ZMAT4: variants seen among roughly 807,000 people sequenced by gnomAD.
The protein encoded by ZMAT4 is zinc finger matrin-type protein 4.
Under a neutral mutation model 28.7 loss-of-function variants are expected in ZMAT4, and 17 were observed. The observed-to-expected ratio is 0.59, with a 90% confidence interval of 0.41 to 0.89. The LOEUF is 0.89. ZMAT4 is among the 40% of genes least tolerant of loss of function. ZMAT4 has a pLI of 0.00. For missense variants in ZMAT4, 240 were observed against 283.8 expected (o/e 0.85, Z 1.11); for synonymous variants, 117 against 109.2 (o/e 1.07, Z -0.44).
At chr8:40,786,092 GA>G (rs1411096168) in intron 2 of ZMAT4, among the ~76,000 whole-genome samples, 1 of 152,130 alleles carries the variant, frequency 6.6e-6, no homozygotes, top group Non-Finnish European at 1.5e-5. Context: ...CTTCCTTGCT[GA>G]ATTAGGAAGC....
chr8:40,637,247 A>C (rs1406610686), intron 5 of ZMAT4, among the ~76,000 whole-genome samples: 1 of 152,236 alleles, frequency 6.6e-6, no homozygotes, highest in Non-Finnish European at 1.5e-5. Context: ...AAAATAAAAT[A>C]ACATAAAATT....
chr8:40,762,516 TATG>T (rs1278911970), intron 3 of ZMAT4, among the ~76,000 whole-genome samples: 1 of 151,818 alleles, frequency 6.6e-6, no homozygotes, highest in Admixed American at 6.6e-5. Flanking sequence ...ATTAGCCAGG[TATG>T]GTGGTGCATG....
intron 5 of ZMAT4, among the ~76,000 whole-genome samples, chr8:40,634,322 T>G (rs1806713327): frequency 6.6e-6 from 1 of 152,190 alleles, no homozygotes; most frequent in African/African-American, 2.4e-5. Flanking sequence ...AAAGACCTTG[T>G]AAGTCTAGAC....
At chr8:40,640,421 G>A (rs541149078) in intron 5 of ZMAT4, among the ~76,000 whole-genome samples, 23 of 152,258 alleles carry the variant, frequency 1.5e-4, no homozygotes, top group African/African-American at 5.1e-4. Context: ...TTGCACAGAG[G>A]CACTCTCATG....
chr8:40,881,918 C>T (rs1250645191), intron 1 of ZMAT4, among the ~76,000 whole-genome samples: 1 of 152,162 alleles, frequency 6.6e-6, no homozygotes, highest in Non-Finnish European at 1.5e-5. Flanking sequence ...ATGCCACCAC[C>T]TCCCCCATGT....
chr8:40,629,304 A>T (rs940529544), intron 5 of ZMAT4, among the ~76,000 whole-genome samples: 4 of 151,290 alleles, frequency 2.6e-5, no homozygotes, highest in African/African-American at 9.7e-5. Flanking sequence ...TTTTACTTTC[A>T]TCCCCTGGAC....
chr8:40,612,564 A>G (rs1805837802), intron 5 of ZMAT4, among the ~76,000 whole-genome samples: 1 of 136,958 alleles, frequency 7.3e-6, no homozygotes, highest in African/African-American at 2.5e-5. Context: ...GACTTCTGTC[A>G]TGACCTTGTG....
chr8:40,681,394 C>T (rs1426369641), intron 4 of ZMAT4, among the ~76,000 whole-genome samples: 3 of 152,118 alleles, frequency 2.0e-5, no homozygotes, highest in Non-Finnish European at 4.4e-5. Flanking sequence ...TTTTCCTACC[C>T]TAAATCAAAT....
At chr8:40,570,747 C>CAAACAAAA (rs766071743) in intron 6 of ZMAT4, among the ~76,000 whole-genome samples, 17 of 151,810 alleles carry the variant, frequency 1.1e-4, no homozygotes, top group African/African-American at 2.9e-4. Context: ...AACAAACAAA[C>CAAACAAAA]AAAAAAACCT....
chr8:40,735,309 A>G (rs1811716040), intron 3 of ZMAT4, among the ~76,000 whole-genome samples: 1 of 152,242 alleles, frequency 6.6e-6, no homozygotes, highest in South Asian at 2.1e-4. Flanking sequence ...AATAAAAGAC[A>G]TGACTTTAGT....
chr8:40,816,121 T>A (rs1815524609), intron 2 of ZMAT4, among the ~76,000 whole-genome samples: 1 of 152,194 alleles, frequency 6.6e-6, no homozygotes, highest in African/African-American at 2.4e-5. Context: ...TCCGGCAAAG[T>A]GACATGCCCC....
intron 1 of ZMAT4, among the ~76,000 whole-genome samples, chr8:40,882,433 C>T (rs1818313402): frequency 6.6e-6 from 1 of 152,148 alleles, no homozygotes; most frequent in African/African-American, 2.4e-5. Context: ...CCCTGGCCGG[C>T]AATATTTGGA....
intron 2 of ZMAT4, among the ~76,000 whole-genome samples, chr8:40,801,070 A>C (rs1454579364): frequency 1.3e-5 from 2 of 151,952 alleles, no homozygotes; most frequent in Non-Finnish European, 2.9e-5. Context: ...TTAAGGCAAT[A>C]ATTTAAAAAT....
At chr8:40,762,069 G>C (rs769476478) in intron 3 of ZMAT4, among the ~76,000 whole-genome samples, 6 of 152,146 alleles carry the variant, frequency 3.9e-5, no homozygotes, top group Non-Finnish European at 7.4e-5. Flanking sequence ...TTTGAGAACT[G>C]ACCACGAAGT....
intron 5 of ZMAT4, among the ~76,000 whole-genome samples, chr8:40,651,078 G>T (rs1393019411): frequency 6.6e-6 from 1 of 152,030 alleles, no homozygotes; most frequent in Admixed American, 6.6e-5. Context: ...TCTGGACAGG[G>T]CAATTAGGCA....
At chr8:40,561,339 GT>G (rs1230610912) in intron 6 of ZMAT4, among the ~76,000 whole-genome samples, 3 of 152,162 alleles carry the variant, frequency 2.0e-5, no homozygotes, top group East Asian at 3.9e-4. Context: ...TACTCTGGTG[GT>G]TTTACAGTGT....
At chr8:40,805,786 T>A (rs1815058384) in intron 2 of ZMAT4, among the ~76,000 whole-genome samples, 1 of 99,822 alleles carries the variant, frequency 1.0e-5, no homozygotes, top group Non-Finnish European at 1.9e-5. Flanking sequence ...CTGGGGACTG[T>A]TGTGGGGTGG....
intron 3 of ZMAT4, among the ~76,000 whole-genome samples, chr8:40,747,575 G>A (rs2150542751): frequency 6.6e-6 from 1 of 151,186 alleles, no homozygotes; most frequent in South Asian, 2.1e-4. Context: ...TCATGCCCAG[G>A]AGTATGTCAT....
chr8:40,775,092 C>G (rs1196886002), intron 2 of ZMAT4, among the ~76,000 whole-genome samples: 2 of 152,194 alleles, frequency 1.3e-5, no homozygotes, highest in Non-Finnish European at 2.9e-5. Context: ...TCCCCAAAAT[C>G]TATCACAATG....
Sources: gnomAD v4.1 joint callset for allele counts (sites outside exome capture counted in the v4.1 genomes callset) on GRCh38, gnomAD v4.1.1 for gene constraint, MANE v1.5 for transcripts, NCBI Gene and HGNC (gene_info 2026-07-23, HGNC 2026-07-21) for gene names.